The following KCNB2 variants were observed in gnomAD, a reference collection of about 807,000 sequenced individuals.
The protein encoded by KCNB2 is potassium voltage-gated channel subfamily B member 2.
A neutral mutation model predicts 61.5 loss-of-function variants in KCNB2; 15 were observed. The observed-to-expected ratio is 0.24, with a 90% CI of 0.16 to 0.38. The LOEUF is 0.38. Among genes scored for constraint, KCNB2 ranks in the 10% least tolerant of loss-of-function variants. The pLI, the probability that KCNB2 is intolerant of heterozygous loss-of-function variation, is 1.00. For synonymous variants in KCNB2, 457 were observed against 446.0 expected, an observed-to-expected ratio of 1.02 and a Z score of -0.31; for missense variants, 828 against 1,125.2, an observed-to-expected ratio of 0.74 and a Z score of 3.78.
At chr8:72,752,311 C>T (rs756013087) in intron 2 of KCNB2, among the ~76,000 whole-genome samples, 5 of 152,042 alleles carry the variant, frequency 3.3e-5, no homozygotes, top group Non-Finnish European at 5.9e-5. Context: ...ATCAGAGGTA[C>T]CCAGATGTCT....
At chr8:72,774,706 G>A (rs935026823) in intron 2 of KCNB2, among the ~76,000 whole-genome samples, 1 of 151,848 alleles carries the variant, frequency 6.6e-6, no homozygotes, top group Non-Finnish European at 1.5e-5. Context: ...AAATTATATT[G>A]ATCAAAACAT....
At chr8:72,547,181 T>G (rs541965825) in intron 1 of KCNB2, among the ~76,000 whole-genome samples, 1 of 152,354 alleles carries the variant, frequency 6.6e-6, no homozygotes, top group East Asian at 1.9e-4. Flanking sequence ...AACCTACTGC[T>G]TATGAAAAAA....
chr8:72,592,453 CTGTGTGTGTG>C (rs10676983), intron 2 of KCNB2, among the ~76,000 whole-genome samples: 1 of 149,578 alleles, frequency 6.7e-6, no homozygotes, highest in African/African-American at 2.5e-5. Flanking sequence ...ATTATCAACT[CTGTGTGTGTG>C]TGTGTGTGTG....
chr8:72,607,681 A>G (rs1392980948), intron 2 of KCNB2, among the ~76,000 whole-genome samples: 1 of 152,158 alleles, frequency 6.6e-6, no homozygotes, highest in African/African-American at 2.4e-5. Context: ...GCTATAGAAA[A>G]TTCTCCTCTA....
rs75541648 is a variant in KCNB2, at chr8:72,824,308, T to C, written c.580-111627T>C. Among the ~76,000 whole-genome samples, 128 of 152,206 alleles carry C rather than the reference T, an allele frequency of 8.4e-4. 1 individual carries two copies. The highest frequency in any genetic ancestry group is 1.5e-3 in the Non-Finnish European group (105 of 68,002). ...TGAACTAGCATCCCTGTAAGCTGGCTTCCTGCTCCTCAGCCCAGCAGGGGT... is the reference window on the plus strand; with the variant it reads ...TGAACTAGCATCCCTGTAAGCTGGCCTCCTGCTCCTCAGCCCAGCAGGGGT... On this transcript the variant is annotated intron_variant, in intron 2 of 2. Transcript: ENST00000523207.
chr8:72,558,446 C>T (rs190136638), intron 1 of KCNB2, among the ~76,000 whole-genome samples: 259 of 152,168 alleles, frequency 1.7e-3, no homozygotes, highest in African/African-American at 5.9e-3. Flanking sequence ...TAATTCTTTC[C>T]GGGAAGGTAC....
At chr8:72,917,648 TTAAG>T (rs1208099425) in intron 2 of KCNB2, among the ~76,000 whole-genome samples, 1 of 152,216 alleles carries the variant, frequency 6.6e-6, no homozygotes, top group Non-Finnish European at 1.5e-5. Flanking sequence ...TATATATAAT[TTAAG>T]TGGTAAATTT....
intron 2 of KCNB2, among the ~76,000 whole-genome samples, chr8:72,699,114 G>A (rs1023920984): frequency 2.6e-5 from 4 of 152,038 alleles, no homozygotes; most frequent in African/African-American, 9.7e-5. Flanking sequence ...AACTGACAAA[G>A]GTATGACATC....
chr8:72,895,507 T>C (rs745372780), intron 2 of KCNB2, among the ~76,000 whole-genome samples: 11 of 152,188 alleles, frequency 7.2e-5, no homozygotes, highest in Admixed American at 2.0e-4. Context: ...TTTAGCTCAG[T>C]GAGATCCATG....
At chr8:72,899,352 A>G (rs964858726) in intron 2 of KCNB2, among the ~76,000 whole-genome samples, 9 of 152,178 alleles carry the variant, frequency 5.9e-5, no homozygotes, top group East Asian at 1.9e-4. Flanking sequence ...CACCACTCCT[A>G]TTCAACATAG....
At chr8:72,635,169 G>A (rs1309989505) in intron 2 of KCNB2, among the ~76,000 whole-genome samples, 1 of 152,194 alleles carries the variant, frequency 6.6e-6, no homozygotes, top group Non-Finnish European at 1.5e-5. Context: ...CTGCCTGCCA[G>A]TGGTCCTGAT....
At chr8:72,813,502 T>C (rs1434281931) in intron 2 of KCNB2, among the ~76,000 whole-genome samples, 1 of 151,956 alleles carries the variant, frequency 6.6e-6, no homozygotes, top group African/African-American at 2.4e-5. Flanking sequence ...AAAGTGAGAC[T>C]AATGAGGAAG....
At chr8:72,801,354 A>G (rs563086620) in intron 2 of KCNB2, among the ~76,000 whole-genome samples, 1 of 152,348 alleles carries the variant, frequency 6.6e-6, no homozygotes, top group East Asian at 1.9e-4. Context: ...GAACATGCTC[A>G]CTGATCAGCT....
At chr8:72,934,904 G>C (rs1298948376) in intron 2 of KCNB2, among the ~76,000 whole-genome samples, 1 of 151,872 alleles carries the variant, frequency 6.6e-6, no homozygotes, top group African/African-American at 2.4e-5. Context: ...CCCCACTTGG[G>C]CTATCTATGT....
At position 72,936,577 on chromosome 8, in the gene KCNB2, G is replaced by A; in HGVS notation, c.1222G>A (p.Val408Ile). ...GGLCCIAGVL[V>I]IALPIPIIVN... ...TCTGTGCTGTATTGCTGGGGTTCTG[G>A]TTATTGCCCTTCCTATCCCAATTAT... Residue 408 changes from valine to isoleucine, a missense_variant, in exon 3 of 3, where the codon GTT (valine) becomes ATT (isoleucine). Val to Ile is a conservative substitution (Grantham distance 29). Around this residue, in one of 4 missense-constraint regions of KCNB2, gnomAD observed 44 missense variants for 167.6 expected, o/e 0.26. Coordinates refer to ENST00000523207, the MANE Select transcript of KCNB2 (RefSeq NM_004770.3). This position sits in a 1 kb window ranked among gnomAD's most constrained non-coding sequence, Gnocchi z 5.6. 6.2e-7 allele frequency: 1 copy of A among 1,614,196 alleles called. No individual in the cohort carries two copies. Among genetic ancestry groups the A allele is most frequent in the Non-Finnish European group, 8.5e-7 (1 of 1,180,032 alleles).
chr8:72,597,575 T>C (rs1807220006), intron 2 of KCNB2, among the ~76,000 whole-genome samples: 1 of 152,204 alleles, frequency 6.6e-6, no homozygotes, highest in South Asian at 2.1e-4. Flanking sequence ...CAGTCTTGCT[T>C]CAAATCTATC....
intron 2 of KCNB2, among the ~76,000 whole-genome samples, chr8:72,884,195 T>C (rs541228720): frequency 1.1e-4 from 17 of 152,308 alleles, no homozygotes; most frequent in Middle Eastern, 3.4e-3. Context: ...TTCCATGTAT[T>C]TGTGGACCAC....
intron 2 of KCNB2, among the ~76,000 whole-genome samples, chr8:72,841,396 G>T (rs59511299): frequency 8.8e-6 from 1 of 114,238 alleles, no homozygotes. Flanking sequence ...TTTTTGCTTA[G>T]GATTGTCTTG....
intron 2 of KCNB2, among the ~76,000 whole-genome samples, chr8:72,898,312 G>A (rs909616316): frequency 3.3e-5 from 5 of 151,984 alleles, no homozygotes; most frequent in Admixed American, 6.6e-5. Context: ...GAAGGGGGGA[G>A]GGATAGCATT....
Sources: gnomAD v4.1 joint callset for allele counts (sites outside exome capture counted in the v4.1 genomes callset) on GRCh38, gnomAD v4.1.1 for gene constraint, gnomAD v4.1.1 regional missense constraint, Gnocchi (gnomAD v3.1) non-coding constraint, MANE v1.5 for transcripts, NCBI Gene and HGNC (gene_info 2026-07-23, HGNC 2026-07-21) for gene names.